The following ENPP6 variants were observed in gnomAD, a reference collection of about 807,000 sequenced individuals.
ENPP6 encodes ectonucleotide pyrophosphatase/phosphodiesterase 6.
In ENPP6, 32 loss-of-function variants were observed where a neutral mutation model predicts 42.0. The ratio of observed to expected loss-of-function variants is 0.76; its 90% CI spans 0.58 to 1.02. ENPP6 has a LOEUF of 1.02. ENPP6 is among the 50% of genes least tolerant of loss of function. ENPP6 has a pLI of 0.00. For missense variants in ENPP6, 552 were observed against 566.8 expected, an observed-to-expected ratio of 0.97 and a Z score of 0.27; for synonymous variants, 213 against 216.0, an observed-to-expected ratio of 0.99 and a Z score of 0.12.
At chr4:184,204,937 ATT>A (rs987870015) in intron 1 of ENPP6, among the ~76,000 whole-genome samples, 1 of 150,126 alleles carries the variant, frequency 6.7e-6, no homozygotes, top group Non-Finnish European at 1.5e-5. Flanking sequence ...CGCTATAGTA[ATT>A]TTTTTTTTGA....
intron 2 of ENPP6, among the ~76,000 whole-genome samples, chr4:184,130,560 A>T (rs762327683): frequency 8.7e-6 from 1 of 115,026 alleles, no homozygotes; most frequent in East Asian, 2.3e-4. Context: ...TCCAAATCAA[A>T]CAAAACAAAA....
Position 184,117,776 on chromosome 4 carries a change from T to C in ENPP6, c.658A>G (p.Met220Val), listed in dbSNP as rs757976046. 3 of 1,614,078 alleles carry C rather than the reference T, an allele frequency of 1.9e-6. No homozygotes were observed. The highest frequency in any genetic ancestry group is 2.7e-5 in the African/African-American group (2 of 74,954). Residue 220 changes from methionine to valine, a missense_variant, in exon 4 of 8, where the codon ATG becomes GTG. Coordinates refer to ENST00000296741, the MANE Select transcript of ENPP6 (RefSeq NM_153343.4). ...LKAVDTVLKY[M>V]TKWIQERGLQ... ...CAGGTCACCTGGATCCACTTGGTCA[T>C]GTACTTCAGGACAGTGTCTACAGCC...
intron 1 of ENPP6, among the ~76,000 whole-genome samples, chr4:184,185,024 A>C (rs529697141): frequency 4.9e-4 from 75 of 152,340 alleles, no homozygotes; most frequent in African/African-American, 1.8e-3. Flanking sequence ...AGGTAGGACA[A>C]TATTATGAGA....
At chr4:184,149,114 T>G (rs754532773) in intron 2 of ENPP6, among the ~76,000 whole-genome samples, 4 of 152,376 alleles carry the variant, frequency 2.6e-5, no homozygotes, top group Non-Finnish European at 5.9e-5. Context: ...CACTTGTGTT[T>G]GCAGTGTTTT....
At chr4:184,190,823 C>A (rs1732703536) in intron 1 of ENPP6, among the ~76,000 whole-genome samples, 1 of 152,082 alleles carries the variant, frequency 6.6e-6, no homozygotes, top group East Asian at 1.9e-4. Context: ...TCAAAAGAGG[C>A]CTGTTTAAGC....
intron 1 of ENPP6, among the ~76,000 whole-genome samples, chr4:184,210,646 T>G (rs1311751897): frequency 1.4e-5 from 2 of 141,648 alleles, no homozygotes; most frequent in Non-Finnish European, 3.1e-5. Flanking sequence ...TGGGAGACTT[T>G]AACACCCCAC....
chr4:184,098,032 G>A (rs934774974), intron 6 of ENPP6, among the ~76,000 whole-genome samples: 3 of 152,346 alleles, frequency 2.0e-5, no homozygotes, highest in Admixed American at 6.5e-5. Flanking sequence ...GAAGCTCTGC[G>A]TGCCTCACCT....
rs142501497 is a variant in ENPP6 at position 184,151,945 on chromosome 4, C to T, written c.421+1609G>A. 5.9e-3 allele frequency among the ~76,000 whole-genome samples: 904 copies of T among 152,346 alleles called. 11 individuals carry two copies. In the South Asian group the frequency reaches 0.061, roughly 10 times the overall value. On this transcript the variant is annotated intron_variant, in intron 2 of 7. Coordinates refer to ENST00000296741, the MANE Select transcript of ENPP6 (RefSeq NM_153343.4). ...AATGGAATCCTCCTAAACTCTTCCT[C>T]TTCCTTTGCTCAAAGGTGTCTTGCG...
intron 1 of ENPP6, among the ~76,000 whole-genome samples, chr4:184,171,213 T>C (rs1279258975): frequency 6.6e-6 from 1 of 152,246 alleles, no homozygotes; most frequent in Non-Finnish European, 1.5e-5. Context: ...CTGCAGGCAG[T>C]TGATGCTGGC....
At chr4:184,187,473 C>T (rs755833206) in intron 1 of ENPP6, among the ~76,000 whole-genome samples, 1 of 152,236 alleles carries the variant, frequency 6.6e-6, no homozygotes. Context: ...GCTACACTGG[C>T]TCTTGGCTTC....
intron 3 of ENPP6, among the ~76,000 whole-genome samples, chr4:184,119,313 GT>G (rs1736376170): frequency 4.6e-3 from 1 of 216 alleles, no homozygotes; most frequent in Non-Finnish European, 8.2e-3. Flanking sequence ...CTGTTTCTTG[GT>G]GTGTGTGTGT....
intron 2 of ENPP6, among the ~76,000 whole-genome samples, chr4:184,129,675 C>G (rs918291207): frequency 2.6e-5 from 4 of 151,998 alleles, no homozygotes; most frequent in African/African-American, 7.2e-5. Flanking sequence ...AACTGAGAAG[C>G]AATTTAAAGA....
chr4:184,091,199 A>G lies in ENPP6; in HGVS notation c.1301T>C (p.Ile434Thr). 2 of 1,569,838 alleles carry G rather than the reference A, an allele frequency of 1.3e-6. No homozygotes were observed. The highest frequency in any genetic ancestry group is 1.7e-6 in the Non-Finnish European group (2 of 1,157,190). Residue 434 changes from isoleucine to threonine, a missense_variant, in exon 8 of 8, where the codon ATT (isoleucine) becomes ACT (threonine). Around this residue, in one of 2 missense-constraint regions of ENPP6, gnomAD observed 545 missense variants for 546.3 expected, o/e 1.00. Transcript: ENST00000296741. ...CAGTTATGCAAGCAGGAAGAGAAGAATCAGTGCCAGGGCACAGTGGCTGGG... is the reference window on the plus strand; with the variant it reads ...CAGTTATGCAAGCAGGAAGAGAAGAGTCAGTGCCAGGGCACAGTGGCTGGG... ...VWPSHCALAL[I>T]LLFLLA
chr4:184,195,487 G>T (rs1389431397), intron 1 of ENPP6, among the ~76,000 whole-genome samples: 1 of 152,172 alleles, frequency 6.6e-6, no homozygotes, highest in East Asian at 1.9e-4. Context: ...CACTTCAGTG[G>T]CATTAAGTAC....
chr4:184,217,433 A>T, intron 1 of ENPP6, 146 bp downstream of exon 1: 4 of 1,196,804 alleles, frequency 3.3e-6, no homozygotes, highest in Non-Finnish European at 4.6e-6. Flanking sequence ...CTCAGCCAAG[A>T]ACACAGATTT....
intron 2 of ENPP6, among the ~76,000 whole-genome samples, chr4:184,151,669 G>A (rs890686417): frequency 6.6e-6 from 1 of 152,174 alleles, no homozygotes; most frequent in African/African-American, 2.4e-5. Flanking sequence ...GTTTCCGGGT[G>A]GTCCCTAATG....
chr4:184,173,515 A>T (rs1011146016), intron 1 of ENPP6, among the ~76,000 whole-genome samples: 1 of 152,134 alleles, frequency 6.6e-6, no homozygotes, highest in Non-Finnish European at 1.5e-5. Flanking sequence ...TGTGAAATAA[A>T]TTTTTTGCCT....
At chr4:184,112,861 A>T (rs1311617257) in intron 5 of ENPP6, 52 bp from the exon 6 acceptor site, 1 of 1,527,504 alleles carries the variant, frequency 6.5e-7, no homozygotes, top group Non-Finnish European at 8.9e-7. Context: ...AATATGTGTG[A>T]ATATTTACTG....
At chr4:184,113,948 T>TTTCTTTCTTTCC (rs1736268033) in intron 5 of ENPP6, among the ~76,000 whole-genome samples, 1 of 149,620 alleles carries the variant, frequency 6.7e-6, no homozygotes, top group Non-Finnish European at 1.5e-5. Context: ...TCTTTCTTTC[T>TTTCTTTCTTTCC]TTCTTTCTTT....
Sources: allele counts gnomAD v4.1 joint callset (sites outside exome capture counted in the v4.1 genomes callset), GRCh38; gene constraint gnomAD v4.1.1; regional missense constraint gnomAD v4.1.1; transcripts MANE v1.5; gene names NCBI Gene and HGNC (gene_info 2026-07-23, HGNC 2026-07-21).